DIXDC1: variants seen among roughly 807,000 people sequenced by gnomAD.
DIXDC1 encodes the protein dixin.
DIXDC1 carries 64 observed loss-of-function variants against 103.1 expected under a neutral mutation model. That is an observed-to-expected ratio of 0.62 (90% CI 0.51 to 0.76). DIXDC1 has a LOEUF of 0.76. Ranked by LOEUF, DIXDC1 falls within the 30% of genes least tolerant of loss-of-function variation. DIXDC1 has a pLI of 0.00. For missense variants in DIXDC1, 759 were observed against 834.2 expected (o/e 0.91, Z 1.11); for synonymous variants, 266 against 298.5 (o/e 0.89, Z 1.12).
intron 17 of DIXDC1, among the ~76,000 whole-genome samples, chr11:112,009,687 A>C (rs1374874719): frequency 1.3e-5 from 2 of 152,216 alleles, no homozygotes; most frequent in Non-Finnish European, 2.9e-5. Context: ...TCCATCACAT[A>C]AACAGAACCA....
intron 17 of DIXDC1, among the ~76,000 whole-genome samples, chr11:112,007,826 A>C (rs1861284924): frequency 6.6e-6 from 1 of 152,220 alleles, no homozygotes; most frequent in South Asian, 2.1e-4. Context: ...ATGGAAAGGA[A>C]CAACCGGTAC....
At chr11:111,974,554 G>A (rs1204484656) in intron 4 of DIXDC1, among the ~76,000 whole-genome samples, 1 of 152,160 alleles carries the variant, frequency 6.6e-6, no homozygotes, top group African/African-American at 2.4e-5. Context: ...GAGGTCCGTG[G>A]GAGCAGTGTT....
At position 111,995,051 on chromosome 11, in the gene DIXDC1, C is replaced by T; in HGVS notation, c.1470C>T (p.Ser490=). 6.2e-7 allele frequency: 1 copy of T among 1,613,812 alleles called. No homozygotes were observed. The highest frequency in any genetic ancestry group is 1.1e-5 in the South Asian group (1 of 91,082). Residue 490 remains serine (S), a synonymous_variant, in exon 15 of 20, where the codon AGC becomes AGT. Coordinates refer to ENST00000440460, the MANE Select transcript of DIXDC1 (RefSeq NM_001037954.4). The stretch of plus-strand genomic sequence containing the variant: ...ACTACAACAGTCACAACTCTCAAAG[C>T]AATGGTTTTCTCCTTCCAACGGCAG... The part of the protein sequence containing the change: ...ATNYNSHNSQ[S]NGFLLPTAGK...
intron 17 of DIXDC1, among the ~76,000 whole-genome samples, chr11:111,997,652 G>A (rs189549509): frequency 1.3e-3 from 198 of 152,142 alleles, no homozygotes; most frequent in Non-Finnish European, 2.3e-3. Context: ...TTTATTCATT[G>A]ATTTCTTCAG....
At chr11:111,991,389 C>T (rs1860709214) in intron 10 of DIXDC1, among the ~76,000 whole-genome samples, 1 of 152,226 alleles carries the variant, frequency 6.6e-6, no homozygotes, top group African/African-American at 2.4e-5. Flanking sequence ...CCATGGAGCA[C>T]ATTTTGGGAA....
At chr11:112,008,377 AC>A (rs1861308358) in intron 17 of DIXDC1, among the ~76,000 whole-genome samples, 1 of 152,124 alleles carries the variant, frequency 6.6e-6, no homozygotes, top group African/African-American at 2.4e-5. Flanking sequence ...AGACTTTTAC[AC>A]CCCACTGTCA....
chr11:111,953,120 A>G (rs1453739953), intron 1 of DIXDC1, among the ~76,000 whole-genome samples: 2 of 152,242 alleles, frequency 1.3e-5, no homozygotes, highest in Non-Finnish European at 2.9e-5. Flanking sequence ...TATCAATACT[A>G]TCAGGTTTTT....
At chr11:112,002,910 C>T (rs924628004) in intron 17 of DIXDC1, among the ~76,000 whole-genome samples, 2 of 152,054 alleles carry the variant, frequency 1.3e-5, no homozygotes, top group Non-Finnish European at 2.9e-5. Context: ...TCAGCTATAA[C>T]GAAGCATAAA....
Position 112,016,767 on chromosome 11 carries a change from T to TA in DIXDC1, c.1834dup (p.Thr612AsnfsTer20), listed in dbSNP as rs1555177783. 6.2e-7 allele frequency: 1 copy of TA among 1,608,806 alleles called. No individual in the cohort carries two copies. Among genetic ancestry groups the TA allele is most frequent in the Non-Finnish European group, 8.5e-7 (1 of 1,177,048 alleles). On this transcript the variant is annotated frameshift_variant, in exon 18 of 20. Transcript: ENST00000440460. LOFTEE classifies it high-confidence loss of function. ...TGCTCTATTTCACTGACCGGTCACTTACGCCCTTCATGGTCAATATACCAA... is the reference window on the plus strand; with the variant it reads ...TGCTCTATTTCACTGACCGGTCACTTAACGCCCTTCATGGTCAATATACCAA...
chr11:111,981,780 A>C (rs116608808), intron 6 of DIXDC1, among the ~76,000 whole-genome samples: 1 of 152,260 alleles, frequency 6.6e-6, no homozygotes, highest in South Asian at 2.1e-4. Flanking sequence ...CAAGGAAACC[A>C]GAGCAAAGAG....
chr11:111,938,370 G>A (rs1363757411), intron 1 of DIXDC1, among the ~76,000 whole-genome samples: 1 of 152,082 alleles, frequency 6.6e-6, no homozygotes, highest in Admixed American at 6.5e-5. Flanking sequence ...CTACTCTTGC[G>A]GGTTGTCTTA....
chr11:111,977,631 T>G lies in DIXDC1; in HGVS notation c.656+2648T>G. The G allele has an allele frequency of 6.5e-7, 1 of 1,541,624 alleles. No homozygotes were observed. ...TTCTCCCGCGAGCCGGGCCAGTAGCTTTGCTAGCTGGCCTTCCCGTGGAGG... is the reference window on the plus strand; with the variant it reads ...TTCTCCCGCGAGCCGGGCCAGTAGCGTTGCTAGCTGGCCTTCCCGTGGAGG... On this transcript the variant is annotated intron_variant, in intron 5 of 19. Coordinates refer to ENST00000440460, the MANE Select transcript of DIXDC1 (RefSeq NM_001037954.4). This position sits in a 1 kb window ranked among gnomAD's most constrained non-coding sequence, Gnocchi z 6.1.
chr11:111,989,122 G>T, intron 10 of DIXDC1, 67 bp downstream of exon 10: 1 of 1,352,080 alleles, frequency 7.4e-7, no homozygotes, highest in Non-Finnish European at 1.0e-6. Context: ...GTTGGTGAGT[G>T]GTGAGAGTTG....
chr11:111,929,718 G>T (rs1400278081), intron 1 of DIXDC1: 6 of 640,892 alleles, frequency 9.4e-6, no homozygotes, highest in African/African-American at 3.8e-5. Context: ...TAAGTTGGTA[G>T]GTTTTGGGGA....
chr11:111,946,755 A>T (rs1191935011), intron 1 of DIXDC1: 1 of 482,038 alleles, frequency 2.1e-6, no homozygotes, highest in East Asian at 5.6e-5. Context: ...GGCACACGCC[A>T]CATGCAGATT....
chr11:111,931,678 T>C (rs1308448764), intron 2 of DIXDC1, among the ~76,000 whole-genome samples: 1 of 152,086 alleles, frequency 6.6e-6, no homozygotes, highest in Non-Finnish European at 1.5e-5. Flanking sequence ...AAAAAAAGAC[T>C]ACATCAAAGA....
In DIXDC1 at chr11:111,974,004, G is replaced by A. The variant is rs191375722; in HGVS notation, c.317-19G>A. The A allele has an allele frequency of 6.2e-7, 1 of 1,611,820 alleles. No individual in the cohort carries two copies. The highest frequency in any genetic ancestry group is 2.2e-5 in the East Asian group (1 of 44,874). ...GGACCTCTTGGTCTGTTTTATTCTTGGTCCGTTTTATCCTTCAGATATTGT... is the reference window on the plus strand; with the variant it reads ...GGACCTCTTGGTCTGTTTTATTCTTAGTCCGTTTTATCCTTCAGATATTGT... On this transcript the variant is annotated intron_variant, in intron 3 of 19. Transcript: ENST00000440460.
intron 5 of DIXDC1, among the ~76,000 whole-genome samples, chr11:111,979,385 A>G (rs1403841934): frequency 1.3e-5 from 2 of 152,212 alleles, no homozygotes; most frequent in Non-Finnish European, 2.9e-5. Context: ...TAAGTGGGTC[A>G]GTGAATCCTA....
At chr11:111,991,806 A>C (rs1028758397) in intron 10 of DIXDC1, among the ~76,000 whole-genome samples, 1 of 152,202 alleles carries the variant, frequency 6.6e-6, no homozygotes, top group Non-Finnish European at 1.5e-5. Context: ...CAGACTAGGC[A>C]TTGGAAGCCA....
Sources: gnomAD v4.1 joint callset for allele counts (sites outside exome capture counted in the v4.1 genomes callset) on GRCh38, gnomAD v4.1.1 for gene constraint, Gnocchi (gnomAD v3.1) non-coding constraint, MANE v1.5 for transcripts, NCBI Gene and HGNC (gene_info 2026-07-23, HGNC 2026-07-21) for gene names.